The following PPFIBP1 variants were observed in gnomAD, a reference collection of about 807,000 sequenced individuals.
The protein encoded by PPFIBP1 is PPFIB scaffold protein 1.
PPFIBP1 carries 112 observed loss-of-function variants against 137.8 expected under a neutral mutation model. The observed-to-expected ratio is 0.81, with a 90% CI of 0.70 to 0.95. PPFIBP1 has a LOEUF of 0.95. Ranked by LOEUF, PPFIBP1 falls within the 40% of genes least tolerant of loss-of-function variation. The pLI, the probability that PPFIBP1 is intolerant of heterozygous loss-of-function variation, is 0.00. For missense variants in PPFIBP1, 1,083 were observed against 1,196.6 expected (o/e 0.91, Z 1.40); for synonymous variants, 378 against 417.3 (o/e 0.91, Z 1.15).
intron 2 of PPFIBP1, among the ~76,000 whole-genome samples, chr12:27,605,421 G>A (rs1338532639): frequency 6.6e-6 from 1 of 152,024 alleles, no homozygotes; most frequent in African/African-American, 2.4e-5. Context: ...GTGAGGGACA[G>A]AAATAATCCA....
chr12:27,658,903 G>T, intron 10 of PPFIBP1, 55 bp downstream of exon 10: 1 of 1,521,300 alleles, frequency 6.6e-7, no homozygotes, highest in South Asian at 1.2e-5. Context: ...TACTACCTTG[G>T]ACTGTTCTTT....
intron 2 of PPFIBP1, chr12:27,608,649 C>T (rs2054774554): frequency 4.6e-6 from 2 of 435,100 alleles, no homozygotes; most frequent in East Asian, 8.2e-5. Context: ...AAAAAACTTG[C>T]ATTTACAAAA....
chr12:27,671,420 T>A lies in PPFIBP1; in HGVS notation c.1147-11T>A. On this transcript the variant is annotated splice_polypyrimidine_tract_variant and intron_variant, in intron 13 of 29. Coordinates refer to ENST00000228425, the MANE Select transcript of PPFIBP1 (RefSeq NM_003622.4). ...TGATTGATTGATTGATTTTTTGTAATTACATTACAGTTCCATACTACCATC... is the reference window on the plus strand; with the variant it reads ...TGATTGATTGATTGATTTTTTGTAAATACATTACAGTTCCATACTACCATC... 6.9e-7 allele frequency: 1 copy of A among 1,449,328 alleles called. No individual in the cohort carries two copies. 89.8% of individuals were successfully genotyped at this position (1,449,328 alleles called of 1,614,324 possible).
chr12:27,588,700 TGA>T (rs2052090135), intron 2 of PPFIBP1, among the ~76,000 whole-genome samples: 1 of 152,218 alleles, frequency 6.6e-6, no homozygotes, highest in Non-Finnish European at 1.5e-5. Flanking sequence ...TCTTTTGGAC[TGA>T]GAGAATTCAG....
chr12:27,687,290 T>C, intron 24 of PPFIBP1, 95 bp from the exon 25 acceptor site: 1 of 1,454,994 alleles, frequency 6.9e-7, no homozygotes, highest in Non-Finnish European at 9.3e-7. Context: ...TTTGAGGGGC[T>C]CTTCTCCTTT....
chr12:27,674,041 A>G (rs1431511410), intron 16 of PPFIBP1, 151 bp from the exon 17 acceptor site: 1 of 820,604 alleles, frequency 1.2e-6, no homozygotes, highest in Non-Finnish European at 1.9e-6. Context: ...GGAGACTTTA[A>G]TAAAACATTT....
intron 1 of PPFIBP1, among the ~76,000 whole-genome samples, chr12:27,527,442 C>T (rs916396528): frequency 6.6e-6 from 1 of 152,100 alleles, no homozygotes; most frequent in African/African-American, 2.4e-5. Flanking sequence ...GGGTTCTCAC[C>T]ATGTTGCTCA....
intron 4 of PPFIBP1, chr12:27,635,565 G>T: frequency 5.3e-6 from 1 of 188,476 alleles, no homozygotes. Context: ...GCCATCTAGT[G>T]GTTTATGGCA....
At chr12:27,586,362 A>G (rs778713271) in intron 2 of PPFIBP1, among the ~76,000 whole-genome samples, 10 of 152,322 alleles carry the variant, frequency 6.6e-5, no homozygotes, top group Non-Finnish European at 1.3e-4. Context: ...GAGAGGATCT[A>G]TGGCTTTAAT....
In PPFIBP1 at chr12:27,640,897, G is replaced by A. The variant is rs11608797; in HGVS notation, c.271-5165G>A. Among the ~76,000 whole-genome samples the A allele has an allele frequency of 2.5e-4, 38 of 152,278 alleles. No individual in the cohort carries two copies. In the South Asian group the frequency reaches 7.5e-3, roughly 30 times the overall value. On this transcript the variant is annotated intron_variant, in intron 4 of 29. Transcript: ENST00000228425. Reference sequence around the variant, plus strand: ...GCATGCGTGGCAGAGGTATAATTCTGAGTACAAAATGCTGTCATAGTAATT... The same window carrying A: ...GCATGCGTGGCAGAGGTATAATTCTAAGTACAAAATGCTGTCATAGTAATT...
chr12:27,564,523 G>C (rs935210364), intron 1 of PPFIBP1, among the ~76,000 whole-genome samples: 3 of 152,250 alleles, frequency 2.0e-5, no homozygotes, highest in Non-Finnish European at 4.4e-5. Context: ...AAGTTGAATG[G>C]CAGGGAGATG....
chr12:27,585,383 AC>A (rs1009547205), intron 2 of PPFIBP1, among the ~76,000 whole-genome samples: 1 of 152,086 alleles, frequency 6.6e-6, no homozygotes, highest in African/African-American at 2.4e-5. Context: ...GTCTCCCTGC[AC>A]CCCCCTCATA....
intron 1 of PPFIBP1, among the ~76,000 whole-genome samples, chr12:27,533,938 G>A (rs1592289872): frequency 7.9e-6 from 1 of 126,088 alleles, no homozygotes; most frequent in Non-Finnish European, 1.6e-5. Context: ...TCGTTACAAA[G>A]CTGTATCCAA....
intron 13 of PPFIBP1, among the ~76,000 whole-genome samples, chr12:27,667,940 C>T (rs1026399465): frequency 6.6e-6 from 1 of 152,196 alleles, no homozygotes; most frequent in Non-Finnish European, 1.5e-5. Context: ...TCAGAAATCA[C>T]ATGGCATCTC....
At chr12:27,646,169 G>A (rs1275875530) in intron 5 of PPFIBP1, 21 bp downstream of exon 5, 1 of 1,559,426 alleles carries the variant, frequency 6.4e-7, no homozygotes, top group South Asian at 1.1e-5. Context: ...TTTAAATACT[G>A]TTCTTTCCTT....
chr12:27,676,199 A>G (rs920452905), intron 17 of PPFIBP1, among the ~76,000 whole-genome samples: 7 of 152,202 alleles, frequency 4.6e-5, no homozygotes, highest in African/African-American at 1.4e-4. Context: ...TAGATTAGTG[A>G]TGAACATGTT....
chr12:27,637,456 G>A (rs1197525089), intron 4 of PPFIBP1: 2 of 152,108 alleles, frequency 1.3e-5, no homozygotes, highest in East Asian at 1.9e-4. Flanking sequence ...CAGAACTAAT[G>A]AAGATTCCGT....
rs1287058305 is a variant in PPFIBP1 at position 27,667,238 on chromosome 12, G to C, written c.1064G>C (p.Ser355Thr). The change falls in exon 13 of 30, where the codon AGT becomes ACT. Residue 355 changes from serine (S) to threonine (T), a missense_variant. Coordinates refer to ENST00000228425, the MANE Select transcript of PPFIBP1 (RefSeq NM_003622.4). ...TCTTTGCTGGATGCACAGGGTTTCA[G>C]TGATCTGGAGAAAAGTCCATCACCC... ...ISSLLDAQGF[S>T]DLEKSPSPTP... is the part of the protein sequence containing the mutation. 3.7e-6 allele frequency: 6 copies of C among 1,613,818 alleles called. No homozygotes were observed. The South Asian group carries it at 5.5e-5, about 15-fold the overall frequency.
chr12:27,597,926 C>T (rs2053506136), intron 2 of PPFIBP1, among the ~76,000 whole-genome samples: 1 of 152,126 alleles, frequency 6.6e-6, no homozygotes, highest in South Asian at 2.1e-4. Flanking sequence ...ATGCCTCAGC[C>T]TCCCAGGTCG....
Sources: allele counts gnomAD v4.1 joint callset (sites outside exome capture counted in the v4.1 genomes callset), GRCh38; gene constraint gnomAD v4.1.1; transcripts MANE v1.5; gene names NCBI Gene and HGNC (gene_info 2026-07-23, HGNC 2026-07-21).